SCUBE2: variants seen among roughly 807,000 people sequenced by gnomAD.
The protein encoded by SCUBE2 is signal peptide, CUB and EGF-like domain-containing protein 2.
In SCUBE2, 114 loss-of-function variants were observed where a neutral mutation model predicts 125.9. The observed-to-expected ratio is 0.91, with a 90% CI of 0.78 to 1.06. The LOEUF is 1.06. Ranked by LOEUF, SCUBE2 falls within the 50% of genes least tolerant of loss-of-function variation. SCUBE2 has a pLI of 0.00. For missense variants in SCUBE2, 1,255 were observed against 1,301.8 expected, an observed-to-expected ratio of 0.96 and a Z score of 0.55; for synonymous variants, 459 against 492.9, an observed-to-expected ratio of 0.93 and a Z score of 0.91.
At position 9,074,331 on chromosome 11, in the gene SCUBE2, G is replaced by A. The variant is rs74052373; in HGVS notation, c.517+150C>T. On this transcript the variant is annotated intron_variant, in intron 4 of 22. Coordinates refer to ENST00000649792, the MANE Select transcript of SCUBE2 (RefSeq NM_001367977.2). ...GTTGAAGTTCAAATAACTTGCCCAC[G>A]GTTACCCGGCAGTGGAGTCTGGACT... is the stretch of plus-strand genomic sequence containing the variant. 224 of 914,144 alleles carry A rather than the reference G, an allele frequency of 2.5e-4. 1 individual carries two copies. The African/African-American group carries it at 2.9e-3, about 12-fold the overall frequency. 56.6% of individuals were successfully genotyped at this position (914,144 alleles called of 1,614,324 possible). A position where few individuals can be genotyped will look rare whatever the true frequency, so the allele number is the denominator to read the frequency against.
At chr11:9,052,402 T>C (rs1344915981) in intron 13 of SCUBE2, among the ~76,000 whole-genome samples, 1 of 152,242 alleles carries the variant, frequency 6.6e-6, no homozygotes, top group Admixed American at 6.5e-5. Flanking sequence ...CTTTGCCTAT[T>C]TCTATCCACA....
chr11:9,043,278 A>G (rs951295082), intron 16 of SCUBE2, among the ~76,000 whole-genome samples: 6 of 152,172 alleles, frequency 3.9e-5, no homozygotes, highest in African/African-American at 1.4e-4. Flanking sequence ...ATACATATAT[A>G]CACACACATG....
Position 9,060,457 on chromosome 11 carries a change from G to A in SCUBE2, c.918C>T (p.Cys306=). The change falls in exon 8 of 23, where the codon TGC becomes TGT. Residue 306 remains cysteine, a synonymous_variant. Coordinates refer to ENST00000649792, the MANE Select transcript of SCUBE2 (RefSeq NM_001367977.2). Reference sequence around the variant, plus strand: ...GGAGAGTGAATCCAACAGGACAACTGCAGTGGACACCTGTCGAAGTATCCT... The same window carrying A: ...GGAGAGTGAATCCAACAGGACAACTACAGTGGACACCTGTCGAAGTATCCT... ...TCKDTSTGVH[C]SCPVGFTLQL... 1 of 1,614,122 alleles carries A rather than the reference G, an allele frequency of 6.2e-7. No homozygotes were observed.
Position 9,066,670 on chromosome 11 carries a change from T to C in SCUBE2, c.760+27A>G, listed in dbSNP as rs759697432. The C allele has an allele frequency of 4.5e-6, 7 of 1,564,084 alleles. No homozygotes were observed. The East Asian group carries it at 1.3e-4, about 30-fold the overall frequency. On this transcript the variant is annotated intron_variant, in intron 6 of 22. Transcript: ENST00000649792. ...GGGACAGGCAGGCTGGTGCAGACCCTCACTCAGTGTTGGGGTTGCCACTCA... is the reference window on the plus strand; with the variant it reads ...GGGACAGGCAGGCTGGTGCAGACCCCCACTCAGTGTTGGGGTTGCCACTCA...
intron 15 of SCUBE2, 48 bp from the exon 16 acceptor site, chr11:9,047,610 CGT>C: frequency 6.4e-7 from 1 of 1,573,028 alleles, no homozygotes; most frequent in Non-Finnish European, 8.7e-7. Context: ...CAGGCTGCAG[CGT>C]GTGACAATGG....
intron 3 of SCUBE2, among the ~76,000 whole-genome samples, chr11:9,077,521 T>C (rs1372785455): frequency 1.3e-5 from 2 of 152,204 alleles, no homozygotes; most frequent in African/African-American, 4.8e-5. Context: ...TATTTGTGGC[T>C]AATGTGTGGT....
intron 14 of SCUBE2, among the ~76,000 whole-genome samples, chr11:9,049,542 G>T (rs1858138150): frequency 6.6e-6 from 1 of 152,044 alleles, no homozygotes; most frequent in Non-Finnish European, 1.5e-5. Context: ...CACCACAACT[G>T]GTTCAAATCT....
chr11:9,074,250 T>C (rs1442062442), intron 4 of SCUBE2, among the ~76,000 whole-genome samples: 1 of 152,176 alleles, frequency 6.6e-6, no homozygotes, highest in Non-Finnish European at 1.5e-5. Flanking sequence ...ATGTGAGAGT[T>C]TGAAAGGACC....
intron 16 of SCUBE2, among the ~76,000 whole-genome samples, chr11:9,035,463 T>C (rs1856677713): frequency 6.6e-6 from 1 of 152,200 alleles, no homozygotes; most frequent in Non-Finnish European, 1.5e-5. Context: ...GAAGACTTTA[T>C]CAAGGATTCT....
At position 9,053,763 on chromosome 11, in the gene SCUBE2, T is replaced by G. The variant is rs774311178; in HGVS notation, c.1208-4A>C. 4.3e-6 allele frequency: 7 copies of G among 1,611,258 alleles called. No individual in the cohort carries two copies. In the South Asian group the frequency reaches 7.7e-5, roughly 18 times the overall value. On this transcript the variant is annotated splice_region_variant and splice_polypyrimidine_tract_variant and intron_variant, in intron 10 of 22. Transcript: ENST00000649792. ...TTGATGCTGCACTCATTGGTGTCTG[T>G]GGAACAAAATACTCTCCTGTCATAG...
rs142568235 is a variant in SCUBE2 at position 9,076,540 on chromosome 11, T to C, written c.383-1925A>G. Among the ~76,000 whole-genome samples, 218 of 151,840 alleles carry C rather than the reference T, an allele frequency of 1.4e-3. 1 individual carries two copies. The highest frequency in any genetic ancestry group is 5.0e-3 in the African/African-American group (207 of 41,420). On this transcript the variant is annotated intron_variant, in intron 3 of 22. Coordinates refer to ENST00000649792, the MANE Select transcript of SCUBE2 (RefSeq NM_001367977.2). ...GCATGAACAAACAAGCAGGAGAGGA[T>C]AGCATCACCCGAGCCAGAGAAGAGA...
intron 2 of SCUBE2, among the ~76,000 whole-genome samples, chr11:9,085,111 T>A (rs995161941): frequency 6.6e-6 from 1 of 152,080 alleles, no homozygotes; most frequent in South Asian, 2.1e-4. Context: ...AAAGTGTCAA[T>A]GTCAGGAAAG....
At chr11:9,036,593 G>A (rs1413084801) in intron 16 of SCUBE2, among the ~76,000 whole-genome samples, 1 of 152,208 alleles carries the variant, frequency 6.6e-6, no homozygotes, top group African/African-American at 2.4e-5. Context: ...GGAAAGTGCC[G>A]ATATGGTGAC....
At chr11:9,044,475 T>C (rs1023488057) in intron 16 of SCUBE2, among the ~76,000 whole-genome samples, 1 of 152,020 alleles carries the variant, frequency 6.6e-6, no homozygotes, top group African/African-American at 2.4e-5. Context: ...GAAGTGATCC[T>C]CCCACCTCGG....
rs1241931354 is a variant in SCUBE2 at position 9,025,512 on chromosome 11, C to G, written c.2854+190G>C. ...ACTTTTAATATATTTTATAAAACAT[C>G]TTTTCCTCCTATTGTCAGTGTCCCC... is the stretch of plus-strand genomic sequence containing the variant. On this transcript the variant is annotated intron_variant, in intron 21 of 22. Transcript: ENST00000649792. 5.3e-6 allele frequency: 3 copies of G among 568,216 alleles called. No individual in the cohort carries two copies. The African/African-American group carries it at 5.6e-5, about 11-fold the overall frequency. 35.2% of individuals were successfully genotyped at this position (568,216 alleles called of 1,614,324 possible).
At chr11:9,022,745 C>A (rs11820633) in intron 21 of SCUBE2, 1 of 152,656 alleles carries the variant, frequency 6.6e-6, no homozygotes. Flanking sequence ...TGCTTTTCTT[C>A]TTCTCTCTGA....
At chr11:9,058,420 AC>A (rs770613481) in intron 9 of SCUBE2, among the ~76,000 whole-genome samples, 40 of 151,404 alleles carry the variant, frequency 2.6e-4, no homozygotes, top group South Asian at 2.1e-4. Flanking sequence ...ACATAGGGAA[AC>A]CCCGTCTCTA....
At chr11:9,073,026 G>A (rs918375083) in intron 4 of SCUBE2, among the ~76,000 whole-genome samples, 1 of 152,144 alleles carries the variant, frequency 6.6e-6, no homozygotes, top group Non-Finnish European at 1.5e-5. Flanking sequence ...GACCGTGAGG[G>A]CTCAAGCGAT....
At chr11:9,029,806 C>A in intron 19 of SCUBE2, 78 bp downstream of exon 19, 1 of 1,518,200 alleles carries the variant, frequency 6.6e-7, no homozygotes, top group Non-Finnish European at 9.1e-7. Flanking sequence ...ACCTCTGCCC[C>A]GTGCCCCCTG....
Sources: gnomAD v4.1 joint callset for allele counts (sites outside exome capture counted in the v4.1 genomes callset) on GRCh38, gnomAD v4.1.1 for gene constraint, MANE v1.5 for transcripts, NCBI Gene and HGNC (gene_info 2026-07-23, HGNC 2026-07-21) for gene names.